The following MCF2L variants were observed in gnomAD, a reference collection of about 807,000 sequenced individuals.
The protein encoded by MCF2L is MCF.2 cell line derived transforming sequence like.
A neutral mutation model predicts 153.4 loss-of-function variants in MCF2L; 97 were observed. That is an observed-to-expected ratio of 0.63 (90% confidence interval 0.54 to 0.75). The LOEUF is 0.75. Among genes scored for constraint, MCF2L ranks in the 30% least tolerant of loss-of-function variants. The probability of loss-of-function intolerance (pLI) is 0.00; values close to 1 mark genes in which losing one functional copy is unlikely to be tolerated. For synonymous variants in MCF2L, 659 were observed against 632.2 expected (o/e 1.04, Z -0.64); for missense variants, 1,347 against 1,495.2 (o/e 0.90, Z 1.64).
intron 1 of MCF2L, among the ~76,000 whole-genome samples, chr13:112,987,026 G>A (rs571209964): frequency 2.0e-5 from 3 of 152,260 alleles, no homozygotes; most frequent in Non-Finnish European, 4.4e-5. Flanking sequence ...GAGCACATGA[G>A]GTCGCGGGGC....
At chr13:113,018,393 C>T (rs3011523) in intron 2 of MCF2L, among the ~76,000 whole-genome samples, 65,950 of 152,074 alleles carry the variant, frequency 0.43, 14,843 homozygotes, top group South Asian at 0.68. Context: ...AGTTTTCTGA[C>T]ATTTGAGGAA....
chr13:112,909,554 G>A (rs894263862), intron 2 of MCF2L: 12 of 467,410 alleles, frequency 2.6e-5, no homozygotes, highest in African/African-American at 1.3e-4. Context: ...AGTGCTCAGT[G>A]GCATTTGGAG....
At chr13:112,989,378 C>G (rs1349436762) in intron 1 of MCF2L, among the ~76,000 whole-genome samples, 2 of 139,684 alleles carry the variant, frequency 1.4e-5, no homozygotes, top group African/African-American at 5.4e-5. Context: ...AGAGTCCTCC[C>G]TGAGCAGGGG....
chr13:113,082,560 A>T lies in MCF2L; in HGVS notation c.1991+18A>T, dbSNP rs1463558403. The stretch of plus-strand genomic sequence containing the variant: ...CACAACAGGTGGGCCCTTCCCCCCG[A>T]CACAGGCACGCACCCGTGATCTCTT... On this transcript the variant is annotated intron_variant, in intron 17 of 29. Transcript: ENST00000535094. 3 of 1,524,360 alleles carry T rather than the reference A, an allele frequency of 2.0e-6. No individual in the cohort carries two copies. The highest frequency in any genetic ancestry group is 2.7e-6 in the Non-Finnish European group (3 of 1,100,022). 94.4% of individuals were successfully genotyped at this position (1,524,360 alleles called of 1,614,324 possible).
intron 18 of MCF2L, 51 bp downstream of exon 18, chr13:113,084,118 A>G: frequency 7.1e-7 from 1 of 1,400,214 alleles, no homozygotes; most frequent in Non-Finnish European, 1.0e-6. Flanking sequence ...AAAGTACTGA[A>G]TAATGACTTC....
At chr13:112,942,876 A>G (rs1268946155) in intron 2 of MCF2L, among the ~76,000 whole-genome samples, 1 of 152,128 alleles carries the variant, frequency 6.6e-6, no homozygotes, top group Non-Finnish European at 1.5e-5. Flanking sequence ...TCTCCGCACC[A>G]TCCCCACATG....
intron 1 of MCF2L, among the ~76,000 whole-genome samples, chr13:112,974,063 C>A (rs1283927300): frequency 6.6e-6 from 1 of 152,172 alleles, no homozygotes; most frequent in Non-Finnish European, 1.5e-5. Context: ...CCTGGCGCTT[C>A]CTCACCTGGT....
rs903034043 is a variant in MCF2L, at chr13:113,033,297, A to C, written c.278+8539A>C. The stretch of plus-strand genomic sequence containing the variant: ...TGAGTGGCCCCTGTGACATTAGTGG[A>C]CCCCGTGGCGTGAGTGGCCCCTGTG... On this transcript the variant is annotated intron_variant, in intron 3 of 29. Transcript: ENST00000535094. Among the ~76,000 whole-genome samples, 167 of 24,632 alleles carry C rather than the reference A, an allele frequency of 6.8e-3. 6 individuals are homozygous for C. The highest frequency in any genetic ancestry group is 0.017 in the East Asian group (8 of 472). 16.2% of individuals were successfully genotyped at this position (24,632 alleles called of 152,430 possible). A position where few individuals can be genotyped will look rare whatever the true frequency, so the allele number is the denominator to read the frequency against.
intron 1 of MCF2L, among the ~76,000 whole-genome samples, chr13:113,012,177 C>T (rs1367525471): frequency 1.6e-4 from 14 of 86,054 alleles, no homozygotes; most frequent in Admixed American, 4.8e-4. Flanking sequence ...GGTGGACAGG[C>T]AGTGTGGATG....
intron 1 of MCF2L, among the ~76,000 whole-genome samples, chr13:112,989,989 G>T (rs557154523): frequency 6.6e-6 from 1 of 152,166 alleles, no homozygotes; most frequent in African/African-American, 2.4e-5. Flanking sequence ...CCATAGGTTC[G>T]CTCCTAGGAG....
intron 2 of MCF2L, among the ~76,000 whole-genome samples, chr13:112,920,235 G>A (rs980772761): frequency 3.9e-5 from 6 of 152,216 alleles, no homozygotes; most frequent in Non-Finnish European, 7.3e-5. Context: ...GAGGAGGCGT[G>A]TGTCTGTAGA....
intron 1 of MCF2L, among the ~76,000 whole-genome samples, chr13:113,013,784 G>A (rs185512085): frequency 8.5e-4 from 129 of 152,330 alleles, no homozygotes; most frequent in African/African-American, 3.0e-3. Context: ...GCCAGAAATC[G>A]TGTCTGCTCC....
chr13:112,911,005 G>T lies in MCF2L; in HGVS notation c.169+8634G>T, dbSNP rs564123301. Among the ~76,000 whole-genome samples the T allele has an allele frequency of 5.4e-3, 822 of 151,866 alleles. 9 individuals carry two copies. Among genetic ancestry groups the T allele is most frequent in the Middle Eastern group, 0.031 (9 of 294 alleles). On this transcript the variant is annotated intron_variant, in intron 2 of 29. Coordinates refer to the MCF2L transcript ENST00000375608. ...CCAGCACTTTCCCAGAATTTGGGGG[G>T]TGGGGGCGGGGCGGGGGTGGGGCTG... is the stretch of plus-strand genomic sequence containing the variant.
At position 113,041,185 on chromosome 13, in the gene MCF2L, G is replaced by A. The variant is rs527452027; in HGVS notation, c.279-4086G>A. Reference sequence around the variant, plus strand: ...TGAGTTATTCTACCCCAACTCCTCCGGCACCATCACCTTCATCCCTCTGGT... The same window carrying A: ...TGAGTTATTCTACCCCAACTCCTCCAGCACCATCACCTTCATCCCTCTGGT... On this transcript the variant is annotated intron_variant, in intron 3 of 29. Transcript: ENST00000535094. Among the ~76,000 whole-genome samples, 11 of 152,182 alleles carry A rather than the reference G, an allele frequency of 7.2e-5. No homozygotes were observed. In the South Asian group the frequency reaches 2.1e-3, roughly 29 times the overall value.
In MCF2L at chr13:113,077,985, G is replaced by A. The variant is rs561683134; in HGVS notation, c.1661-378G>A. Among the ~76,000 whole-genome samples, 20 of 152,326 alleles carry A rather than the reference G, an allele frequency of 1.3e-4. 1 individual carries two copies. The East Asian group carries it at 2.7e-3, about 21-fold the overall frequency. ...CGGAGCCCACAGGCGCTGTGTCCCC[G>A]TGGGCTGTGGGAACGTGGGGTGACT... On this transcript the variant is annotated intron_variant, in intron 13 of 29. Coordinates refer to ENST00000535094, the MANE Select transcript of MCF2L (RefSeq NM_001112732.3).
At chr13:113,065,145 CGGGGCTCCGGTCGGAAGCTGCGG>C in intron 7 of MCF2L, 60 bp downstream of exon 7, 1 of 1,587,772 alleles carries the variant, frequency 6.3e-7, no homozygotes, top group Non-Finnish European at 8.6e-7. Flanking sequence ...AGAAGCTGCG[CGGGGCTCCGGTCGGAAGCTGCGG>C]GGGGTCTTTC....
Position 113,085,123 on chromosome 13 carries a change from A to G in MCF2L, c.2192A>G (p.Asp731Gly). Residue 731 changes from aspartate to glycine, a missense_variant, in exon 20 of 30, where the codon GAC (aspartate) becomes GGC (glycine). Asp to Gly is a moderately conservative substitution (Grantham distance 94, BLOSUM62 -1). Around this residue, in one of 3 missense-constraint regions of MCF2L, gnomAD observed 144 missense variants for 238.7 expected, o/e 0.60. Coordinates refer to ENST00000535094, the MANE Select transcript of MCF2L (RefSeq NM_001112732.3). ...QRKLDHKLSL[D>G]SYLLKPVQRI... ...AAGCTGGACCACAAGCTGAGCCTGG[A>G]CTCCTACCTGCTGAAGCCAGTGCAG... is the stretch of plus-strand genomic sequence containing the variant. 1 of 1,613,566 alleles carries G rather than the reference A, an allele frequency of 6.2e-7. No individual in the cohort carries two copies.
In MCF2L at chr13:113,013,506, C is replaced by T. The variant is rs74612349; in HGVS notation, c.80-1257C>T. ...GGCCCCTTTGTGTTCCACTGTGTCC[C>T]GTGTTTACACTTGTTTGTCTGCAAG... is the stretch of plus-strand genomic sequence containing the variant. On this transcript the variant is annotated intron_variant, in intron 1 of 29. Coordinates refer to ENST00000535094, the MANE Select transcript of MCF2L (RefSeq NM_001112732.3). 8.1e-3 allele frequency among the ~76,000 whole-genome samples: 1,230 copies of T among 152,332 alleles called. 16 individuals are homozygous for T. Among genetic ancestry groups the T allele is most frequent in the African/African-American group, 0.028 (1,176 of 41,578 alleles).
chr13:113,078,511 G>C (rs1265926151), intron 14 of MCF2L, 75 bp downstream of exon 14: 2 of 1,444,252 alleles, frequency 1.4e-6, no homozygotes, highest in Admixed American at 3.7e-5. Context: ...TCTCCGTGTG[G>C]CCCCCCCTCC....
Sources: allele counts gnomAD v4.1 joint callset (sites outside exome capture counted in the v4.1 genomes callset), GRCh38; gene constraint gnomAD v4.1.1; regional missense constraint gnomAD v4.1.1; transcripts MANE v1.5; gene names NCBI Gene and HGNC (gene_info 2026-07-23, HGNC 2026-07-21).